The following LHFPL6 variants were observed in gnomAD, a reference collection of about 807,000 sequenced individuals.
LHFPL6 encodes the protein LHFPL tetraspan subfamily member 6, also known as LHFPL tetraspan subfamily member 6 protein.
LHFPL6 carries 9 observed loss-of-function variants against 20.6 expected under a neutral mutation model. The ratio of observed to expected loss-of-function variants is 0.44; its 90% CI spans 0.26 to 0.76. The LOEUF (loss-of-function observed/expected upper bound fraction) is 0.76. Ranked by LOEUF, LHFPL6 falls within the 30% of genes least tolerant of loss-of-function variation. LHFPL6 has a pLI of 0.20. For synonymous variants in LHFPL6, 105 were observed against 98.7 expected (o/e 1.06, Z -0.38); for missense variants, 218 against 253.5 (o/e 0.86, Z 0.95).
chr13:39,403,845 T>A (rs1352710633), intron 2 of LHFPL6, among the ~76,000 whole-genome samples: 3 of 152,218 alleles, frequency 2.0e-5, no homozygotes, highest in Admixed American at 1.3e-4. Flanking sequence ...TTATCATGTA[T>A]CCCTTAGGCT....
At chr13:39,418,348 A>G (rs1368460476) in intron 2 of LHFPL6, among the ~76,000 whole-genome samples, 1 of 149,074 alleles carries the variant, frequency 6.7e-6, no homozygotes, top group African/African-American at 2.5e-5. Flanking sequence ...TTCCTAAAAT[A>G]AGATTTTTTT....
chr13:39,594,832 C>G (rs1303830513), intron 2 of LHFPL6, among the ~76,000 whole-genome samples: 1 of 152,246 alleles, frequency 6.6e-6, no homozygotes, highest in South Asian at 2.1e-4. Context: ...ATGGATGAAG[C>G]TGGAAACCAT....
At chr13:39,353,633 C>T (rs987586678) in intron 3 of LHFPL6, among the ~76,000 whole-genome samples, 3 of 152,032 alleles carry the variant, frequency 2.0e-5, no homozygotes, top group African/African-American at 4.8e-5. Flanking sequence ...GAGGCTGAGG[C>T]AGGAGAATCT....
chr13:39,455,065 C>G (rs899095579), intron 2 of LHFPL6, among the ~76,000 whole-genome samples: 3 of 152,020 alleles, frequency 2.0e-5, no homozygotes, highest in African/African-American at 7.2e-5. Flanking sequence ...GAAAATGGGC[C>G]CTCACCAGAC....
At chr13:39,405,597 A>G (rs1403434080) in intron 2 of LHFPL6, among the ~76,000 whole-genome samples, 1 of 152,250 alleles carries the variant, frequency 6.6e-6, no homozygotes, top group Admixed American at 6.5e-5. Context: ...TACATTCAGC[A>G]TGAACAGACA....
At chr13:39,408,695 C>T (rs565730108) in intron 2 of LHFPL6, among the ~76,000 whole-genome samples, 102 of 152,298 alleles carry the variant, frequency 6.7e-4, no homozygotes, top group African/African-American at 2.3e-3. Context: ...CAAATATAAG[C>T]GGACCATGGA....
intron 2 of LHFPL6, among the ~76,000 whole-genome samples, chr13:39,418,067 C>A (rs1871388857): frequency 6.6e-6 from 1 of 152,066 alleles, no homozygotes. Context: ...CAAAACCAAA[C>A]AAACCCCACA....
intron 2 of LHFPL6, among the ~76,000 whole-genome samples, chr13:39,577,943 C>T (rs1209684113): frequency 6.6e-6 from 1 of 151,864 alleles, no homozygotes; most frequent in Non-Finnish European, 1.5e-5. Context: ...TCCCATGAGC[C>T]CAGCCCCAAC....
At chr13:39,594,252 A>G (rs1872705051) in intron 2 of LHFPL6, among the ~76,000 whole-genome samples, 2 of 152,208 alleles carry the variant, frequency 1.3e-5, no homozygotes, top group Admixed American at 6.5e-5. Flanking sequence ...TCTACAGTGA[A>G]CTCAAACAAA....
intron 2 of LHFPL6, among the ~76,000 whole-genome samples, chr13:39,541,031 T>C (rs539181652): frequency 6.6e-6 from 1 of 152,362 alleles, no homozygotes; most frequent in African/African-American, 2.4e-5. Flanking sequence ...ATATACTTTC[T>C]ATACAAGAGA....
rs1011363790 is a variant in LHFPL6, at chr13:39,360,261, C to T, written c.485-16207G>A. 3.1e-5 allele frequency among the ~76,000 whole-genome samples: 3 copies of T among 97,698 alleles called. 1 individual carries two copies. The highest frequency in any genetic ancestry group is 7.3e-5 in the Non-Finnish European group (3 of 41,288). The allele number at this position is 97,698 out of a possible 152,430, so 64.1% of individuals were successfully genotyped here. A position where few individuals can be genotyped will look rare whatever the true frequency, so the allele number is the denominator to read the frequency against. ...GTCTCGATCTCCTGACCTCGTGATC[C>T]GCCTGCCTCAGCCTCCCAAAGTGCT... On this transcript the variant is annotated intron_variant, in intron 3 of 3. Coordinates refer to ENST00000379589, the MANE Select transcript of LHFPL6 (RefSeq NM_005780.3).
At chr13:39,438,663 C>T (rs1244670041) in intron 2 of LHFPL6, among the ~76,000 whole-genome samples, 4 of 152,242 alleles carry the variant, frequency 2.6e-5, no homozygotes, top group Non-Finnish European at 5.9e-5. Context: ...TCACTGCCCT[C>T]TGCAGACTCA....
chr13:39,562,393 T>C (rs76932861), intron 2 of LHFPL6, among the ~76,000 whole-genome samples: 9 of 90,466 alleles, frequency 9.9e-5, no homozygotes, highest in African/African-American at 1.4e-4. Flanking sequence ...CATATACATA[T>C]ATATACATAT....
intron 2 of LHFPL6, among the ~76,000 whole-genome samples, chr13:39,544,798 C>A (rs749517934): frequency 1.2e-4 from 19 of 152,032 alleles, no homozygotes; most frequent in Admixed American, 2.6e-4. Context: ...TGTTACAGTA[C>A]AAAAAGTTTC....
chr13:39,546,456 T>C (rs1870985433), intron 2 of LHFPL6, among the ~76,000 whole-genome samples: 1 of 152,176 alleles, frequency 6.6e-6, no homozygotes, highest in Non-Finnish European at 1.5e-5. Flanking sequence ...AATAATCCAG[T>C]TGTTCTCAAG....
At chr13:39,443,947 A>AAGCTATG (rs1216271125) in intron 2 of LHFPL6, among the ~76,000 whole-genome samples, 1 of 151,714 alleles carries the variant, frequency 6.6e-6, no homozygotes, top group Non-Finnish European at 1.5e-5. Context: ...TATGATGTTC[A>AAGCTATG]GTAGGTTTGA....
intron 2 of LHFPL6, among the ~76,000 whole-genome samples, chr13:39,441,420 G>A (rs1426645634): frequency 1.3e-5 from 2 of 151,954 alleles, no homozygotes; most frequent in Non-Finnish European, 2.9e-5. Context: ...GGACCACCAT[G>A]GAGGAAAATG....
chr13:39,501,896 T>C (rs532761408), intron 2 of LHFPL6, among the ~76,000 whole-genome samples: 2 of 152,308 alleles, frequency 1.3e-5, no homozygotes, highest in East Asian at 3.9e-4. Context: ...TGCTTCACTA[T>C]AATTAGCCAG....
chr13:39,562,628 A>G (rs1386505302), intron 2 of LHFPL6, among the ~76,000 whole-genome samples: 3 of 93,418 alleles, frequency 3.2e-5, no homozygotes, highest in African/African-American at 1.3e-4. Flanking sequence ...ATATATACAC[A>G]CATATATATA....
Sources: gnomAD v4.1 joint callset for allele counts (sites outside exome capture counted in the v4.1 genomes callset) on GRCh38, gnomAD v4.1.1 for gene constraint, MANE v1.5 for transcripts, NCBI Gene and HGNC (gene_info 2026-07-23, HGNC 2026-07-21) for gene names.